Variants in NLGN1 observed in about 807,000 individuals in gnomAD.
The protein encoded by NLGN1 is neuroligin-1.
In NLGN1, 12 loss-of-function variants were observed where a neutral mutation model predicts 65.5. The observed-to-expected ratio is 0.18, with a 90% CI of 0.12 to 0.30. The LOEUF (loss-of-function observed/expected upper bound fraction) is 0.30. Ranked by LOEUF, NLGN1 falls within the 10% of genes least tolerant of loss-of-function variation. The pLI is 1.00. For synonymous variants in NLGN1, 350 were observed against 359.5 expected (o/e 0.97, Z 0.30); for missense variants, 750 against 1,007.1 (o/e 0.74, Z 3.46).
At chr3:173,521,513 G>A (rs1252200201) in intron 2 of NLGN1, among the ~76,000 whole-genome samples, 2 of 152,150 alleles carry the variant, frequency 1.3e-5, no homozygotes, top group Non-Finnish European at 2.9e-5. Flanking sequence ...CCTAGAATCA[G>A]CACTGTACTT....
At chr3:173,951,446 C>G (rs908340542) in intron 4 of NLGN1, among the ~76,000 whole-genome samples, 1 of 150,062 alleles carries the variant, frequency 6.7e-6, no homozygotes, top group Admixed American at 6.6e-5. Flanking sequence ...TTTCTAAGAG[C>G]AGGTATCATT....
chr3:174,006,826 T>C (rs1724520383), intron 4 of NLGN1, among the ~76,000 whole-genome samples: 1 of 152,092 alleles, frequency 6.6e-6, no homozygotes, highest in Admixed American at 6.6e-5. Flanking sequence ...CCCAGCACTC[T>C]GGGAGGCCGA....
chr3:174,272,004 T>C (rs1749490082), intron 4 of NLGN1, among the ~76,000 whole-genome samples: 1 of 151,710 alleles, frequency 6.6e-6, no homozygotes, highest in Non-Finnish European at 1.5e-5. Flanking sequence ...CGCTTTATAG[T>C]CATTATTGTT....
At chr3:173,639,076 A>T (rs1461425355) in intron 3 of NLGN1, among the ~76,000 whole-genome samples, 1 of 152,240 alleles carries the variant, frequency 6.6e-6, no homozygotes, top group East Asian at 1.9e-4. Flanking sequence ...ACTGTTGGGC[A>T]TGAATCTTTG....
rs1194673971 is a variant in NLGN1 at position 173,649,260 on chromosome 3, A to G, written c.493+44169A>G. On this transcript the variant is annotated intron_variant, in intron 3 of 6. Transcript: ENST00000457714. The stretch of plus-strand genomic sequence containing the variant: ...ACTGGGGAAGAGAGAGAGGGATTCC[A>G]AAGAATATAAGAACACTGTTGGGAG... 3.9e-5 allele frequency among the ~76,000 whole-genome samples: 6 copies of G among 152,108 alleles called. No homozygotes were observed. The East Asian group carries it at 1.2e-3, about 29-fold the overall frequency.
intron 4 of NLGN1, among the ~76,000 whole-genome samples, chr3:174,179,763 T>A (rs1301558067): frequency 6.6e-6 from 1 of 152,090 alleles, no homozygotes; most frequent in Non-Finnish European, 1.5e-5. Flanking sequence ...AATCCAAATG[T>A]CATCTCAGCT....
rs999715571 is a variant in NLGN1, at chr3:173,535,917, C to T, written c.-320-68362C>T. Among the ~76,000 whole-genome samples the T allele has an allele frequency of 4.6e-5, 7 of 152,310 alleles. No individual in the cohort carries two copies. The East Asian group carries it at 1.4e-3, about 29-fold the overall frequency. On this transcript the variant is annotated intron_variant, in intron 2 of 6. Transcript: ENST00000457714. Reference sequence around the variant, plus strand: ...GAGAAAACATTCACTGTCATCAAGTCAGGTCTCACTGTCTGAGACATATTA... The same window carrying T: ...GAGAAAACATTCACTGTCATCAAGTTAGGTCTCACTGTCTGAGACATATTA...
chr3:173,756,753 TA>T (rs1777189364), intron 3 of NLGN1, among the ~76,000 whole-genome samples: 1 of 119,912 alleles, frequency 8.3e-6, no homozygotes, highest in Non-Finnish European at 1.9e-5. Context: ...ATACAAAGAC[TA>T]ATGGATAAAT....
At position 174,028,504 on chromosome 3, in the gene NLGN1, A is replaced by G. The variant is rs560222843; in HGVS notation, c.646+220672A>G. Reference sequence around the variant, plus strand: ...AGTTGTGGAACTTTGAACTTGAGAAAGATGATTTAGGACATCTAGCAGAAG... The same window carrying G: ...AGTTGTGGAACTTTGAACTTGAGAAGGATGATTTAGGACATCTAGCAGAAG... On this transcript the variant is annotated intron_variant, in intron 4 of 6. Coordinates refer to ENST00000457714, the Ensembl canonical transcript of NLGN1. Among the ~76,000 whole-genome samples the G allele has an allele frequency of 2.4e-3, 364 of 152,340 alleles. 3 individuals are homozygous for G. Among genetic ancestry groups the G allele is most frequent in the Non-Finnish European group, 4.0e-3 (274 of 68,022 alleles).
chr3:173,632,190 T>C (rs1382405122), intron 3 of NLGN1, among the ~76,000 whole-genome samples: 10 of 152,186 alleles, frequency 6.6e-5, no homozygotes, highest in South Asian at 2.1e-4. Context: ...AAGGAACATA[T>C]TCATTTTGCT....
intron 3 of NLGN1, among the ~76,000 whole-genome samples, chr3:173,796,523 C>A (rs1341855981): frequency 6.6e-6 from 1 of 152,058 alleles, no homozygotes; most frequent in Non-Finnish European, 1.5e-5. Context: ...TTATTTATTG[C>A]CCATAGGAGA....
chr3:173,908,242 T>G (rs2152211585), intron 4 of NLGN1, among the ~76,000 whole-genome samples: 1 of 152,332 alleles, frequency 6.6e-6, no homozygotes, highest in African/African-American at 2.4e-5. Flanking sequence ...CTAGTGGTTC[T>G]TAGCCCAGAA....
intron 3 of NLGN1, among the ~76,000 whole-genome samples, chr3:173,676,612 C>T (rs1763206004): frequency 6.6e-6 from 1 of 151,690 alleles, no homozygotes; most frequent in Non-Finnish European, 1.5e-5. Flanking sequence ...TTGGAAAATA[C>T]ATTTTATTCA....
intron 3 of NLGN1, among the ~76,000 whole-genome samples, chr3:173,721,690 G>A (rs1000130485): frequency 6.6e-6 from 1 of 152,158 alleles, no homozygotes; most frequent in Non-Finnish European, 1.5e-5. Flanking sequence ...AAGAAGGACT[G>A]GAGATAGTAG....
intron 1 of NLGN1, among the ~76,000 whole-genome samples, chr3:173,427,235 C>T (rs979695925): frequency 6.6e-6 from 1 of 151,734 alleles, no homozygotes; most frequent in African/African-American, 2.4e-5. Context: ...TAAGGTTTAT[C>T]CATTTTGTTT....
At chr3:174,071,785 A>G (rs1270178956) in intron 4 of NLGN1, among the ~76,000 whole-genome samples, 4 of 152,112 alleles carry the variant, frequency 2.6e-5, no homozygotes, top group African/African-American at 4.8e-5. Context: ...TGAATAAGAA[A>G]TATTCTCAGT....
Position 174,156,984 on chromosome 3 carries a change from A to G in NLGN1, c.647-118331A>G, listed in dbSNP as rs887558019. Among the ~76,000 whole-genome samples, 7 of 149,584 alleles carry G rather than the reference A, an allele frequency of 4.7e-5. No individual in the cohort carries two copies. The Admixed American group carries it at 4.7e-4, about 10-fold the overall frequency. ...CTACATAGTCTTATTTAAGGAATAT[A>G]TGTATATTTATATATATAATATAAA... On this transcript the variant is annotated intron_variant, in intron 4 of 6. Coordinates refer to ENST00000457714, the Ensembl canonical transcript of NLGN1.
chr3:174,016,960 T>C (rs1726687105), intron 4 of NLGN1, among the ~76,000 whole-genome samples: 1 of 151,980 alleles, frequency 6.6e-6, no homozygotes. Flanking sequence ...GCCAGAAAAA[T>C]ATTATTGCAT....
intron 4 of NLGN1, among the ~76,000 whole-genome samples, chr3:174,099,857 A>G (rs6762629): frequency 0.5 from 75,223 of 151,894 alleles, 20,216 homozygotes; most frequent in African/African-American, 0.71. Context: ...GTTCATTCTC[A>G]AGGCAATAGA....
Sources: gnomAD v4.1 joint callset for allele counts (sites outside exome capture counted in the v4.1 genomes callset) on GRCh38, gnomAD v4.1.1 for gene constraint, MANE v1.5 for transcripts, NCBI Gene and HGNC (gene_info 2026-07-23, HGNC 2026-07-21) for gene names.